The following NYAP1 variants were observed in gnomAD, a reference collection of about 807,000 sequenced individuals.
NYAP1 encodes the protein neuronal tyrosine phosphorylated phosphoinositide-3-kinase adaptor 1.
A neutral mutation model predicts 58.6 loss-of-function variants in NYAP1; 20 were observed. The ratio of observed to expected loss-of-function variants is 0.34; its 90% CI spans 0.24 to 0.50. The LOEUF is 0.50. Among genes scored for constraint, NYAP1 ranks in the 20% least tolerant of loss-of-function variants. NYAP1 has a pLI of 0.98. For missense variants in NYAP1, 1,150 were observed against 1,194.5 expected (o/e 0.96, Z 0.55); for synonymous variants, 572 against 523.1 (o/e 1.09, Z -1.27).
Position 100,485,421 on chromosome 7 carries a change from C to G in NYAP1, c.68+42C>G, listed in dbSNP as rs371549510. The G allele has an allele frequency of 4.1e-6, 6 of 1,476,212 alleles. No homozygotes were observed. The African/African-American group carries it at 7.0e-5, about 17-fold the overall frequency. The allele number at this position is 1,476,212 out of a possible 1,614,324, so 91.4% of individuals were successfully genotyped here. ...GACTGCTCCCTTCCCTTCCGCACCTCTGCCTGCCCCCTCACTGGGCCACAG... is the reference window on the plus strand; with the variant it reads ...GACTGCTCCCTTCCCTTCCGCACCTGTGCCTGCCCCCTCACTGGGCCACAG... On this transcript the variant is annotated intron_variant, in intron 2 of 6. Transcript: ENST00000300179. The surrounding 1 kb of genome is among the most constrained non-coding windows in gnomAD (Gnocchi z 5.7).
chr7:100,486,871 AG>A lies in NYAP1; in HGVS notation c.123del (p.Pro42LeufsTer20), dbSNP rs766006933. On this transcript the variant is annotated frameshift_variant, in exon 3 of 7. Transcript: ENST00000300179. LOFTEE classifies it high-confidence loss of function. This position sits in a 1 kb window ranked among gnomAD's most constrained non-coding sequence, Gnocchi z 6.2. ...GGCTCGGCTGGGCCCGCGGCCGGCC[AG>A]GGGCCTGGGGTCCGCGTGCGGGACA... ...PAGSAGPAAG[Q>X]GPGVRVRDIA... 3 of 1,547,138 alleles carry A rather than the reference AG, an allele frequency of 1.9e-6. No individual in the cohort carries two copies. Among genetic ancestry groups the A allele is most frequent in the Non-Finnish European group, 2.6e-6 (3 of 1,151,328 alleles).
chr7:100,489,953 G>A (rs1799772617), intron 4 of NYAP1, among the ~76,000 whole-genome samples: 1 of 152,068 alleles, frequency 6.6e-6, no homozygotes, highest in African/African-American at 2.4e-5. Context: ...AGGGGTGTGT[G>A]CTTGTGAGTG....
intron 6 of NYAP1, among the ~76,000 whole-genome samples, 192 bp downstream of exon 6, chr7:100,491,287 T>C (rs1401287651): frequency 6.6e-6 from 1 of 152,072 alleles, no homozygotes; most frequent in Admixed American, 6.6e-5. Flanking sequence ...TGAGACCCTG[T>C]CTCTATTTTT....
intron 4 of NYAP1, among the ~76,000 whole-genome samples, chr7:100,489,882 G>A (rs554985086): frequency 4.8e-4 from 73 of 152,182 alleles, no homozygotes; most frequent in Admixed American, 2.0e-3. Context: ...TCTGGGAGGC[G>A]AAGGGGGTCA....
At position 100,489,160 on chromosome 7, in the gene NYAP1, C is replaced by G. The variant is rs200659258; in HGVS notation, c.1439C>G (p.Pro480Arg). 6.2e-7 allele frequency: 1 copy of G among 1,610,290 alleles called. No individual in the cohort carries two copies. Among genetic ancestry groups the G allele is most frequent in the Non-Finnish European group, 8.5e-7 (1 of 1,178,826 alleles). ...TTHSVLPAGP[P>R]LGAGEPKTEK... The stretch of plus-strand genomic sequence containing the variant: ...CACTCTGTCCTGCCAGCTGGTCCAC[C>G]CCTGGGTGCTGGGGAGCCAAAGACG... The change falls in exon 4 of 7, where the codon CCC becomes CGC. Residue 480 changes from proline (P) to arginine (R), a missense_variant. Pro to Arg is a moderately radical substitution (Grantham distance 103). Transcript: ENST00000300179.
At position 100,489,247 on chromosome 7, in the gene NYAP1, G is replaced by C; in HGVS notation, c.1526G>C (p.Gly509Ala). The change falls in exon 4 of 7, where the codon GGG becomes GCG. Residue 509 changes from glycine (G) to alanine (A), a missense_variant. Physicochemically the swap from Gly to Ala is moderately conservative, Grantham distance 60 (BLOSUM62 0). Transcript: ENST00000300179. ...ACCAGCTCAAGGCCCCCTGTGCCAG[G>C]GAAGACCAGCCCCCACGGTGGGGCC... ...LCTSSRPPVPGKTSPHGGAMG... is the reference protein window; with the variant it reads ...LCTSSRPPVPAKTSPHGGAMG... 6.2e-7 allele frequency: 1 copy of C among 1,605,188 alleles called. No individual in the cohort carries two copies. Among genetic ancestry groups the C allele is most frequent in the Non-Finnish European group, 8.5e-7 (1 of 1,176,538 alleles).
rs188537085 is a variant in NYAP1 at position 100,487,192 on chromosome 7, C to T, written c.430+10C>T. 169 of 1,478,890 alleles carry T rather than the reference C, an allele frequency of 1.1e-4. 1 individual carries two copies. In the East Asian group the frequency reaches 3.3e-3, roughly 29 times the overall value. 91.6% of individuals were successfully genotyped at this position (1,478,890 alleles called of 1,614,324 possible). A position where few individuals can be genotyped will look rare whatever the true frequency, so the allele number is the denominator to read the frequency against. The stretch of plus-strand genomic sequence containing the variant: ...CCCAGCAAGAAAGCAGGTGAGATAC[C>T]CCCTATCTCTCCCTGGGGTGGAGCT... On this transcript the variant is annotated intron_variant, in intron 3 of 6. Transcript: ENST00000300179. This position sits in a 1 kb window ranked among gnomAD's most constrained non-coding sequence, Gnocchi z 4.1.
chr7:100,488,690 C>A lies in NYAP1; in HGVS notation c.969C>A (p.Ile323=). The stretch of plus-strand genomic sequence containing the variant: ...CCACCAAGACCACTCCTTGTGAAAT[C>A]CCCCCGCCCTTCCCCAACCTCCTTC... ...GTPTKTTPCE[I]PPPFPNLLQH... is the part of the protein sequence containing the mutation. Residue 323 remains isoleucine (I), a synonymous_variant, in exon 4 of 7, where the codon ATC becomes ATA. Coordinates refer to ENST00000300179, the MANE Select transcript of NYAP1 (RefSeq NM_173564.4). This position sits in a 1 kb window ranked among gnomAD's most constrained non-coding sequence, Gnocchi z 5.9. The A allele has an allele frequency of 5.0e-6, 8 of 1,611,048 alleles. No homozygotes were observed. The highest frequency in any genetic ancestry group is 3.3e-5 in the South Asian group (3 of 90,956).
Position 100,488,906 on chromosome 7 carries a change from G to T in NYAP1, c.1185G>T (p.Leu395=). The change falls in exon 4 of 7, where the codon CTG becomes CTT. Residue 395 remains leucine, a synonymous_variant. Transcript: ENST00000300179. This position sits in a 1 kb window ranked among gnomAD's most constrained non-coding sequence, Gnocchi z 5.9. ...PPPPPPAANL[L]LLGPSGRARS... ...CTCCACCTCCTGCTGCCAACCTGCTGCTGCTGGGACCATCGGGCCGGGCCC... is the reference window on the plus strand; with the variant it reads ...CTCCACCTCCTGCTGCCAACCTGCTTCTGCTGGGACCATCGGGCCGGGCCC... The T allele has an allele frequency of 6.3e-7, 1 of 1,596,206 alleles. No homozygotes were observed.
In NYAP1 at chr7:100,486,814, TC is replaced by T; in HGVS notation, c.69-3del. On this transcript the variant is annotated splice_region_variant and splice_polypyrimidine_tract_variant and intron_variant, in intron 2 of 6. Coordinates refer to ENST00000300179, the MANE Select transcript of NYAP1 (RefSeq NM_173564.4). The surrounding 1 kb of genome is among the most constrained non-coding windows in gnomAD (Gnocchi z 6.2). ...TCCTCCACTCCATCGTGGCCTTCTC[TC>T]CCCAGCTCCAGTAAGGAGGTGGCCC... 2 of 1,472,858 alleles carry T rather than the reference TC, an allele frequency of 1.4e-6. No individual in the cohort carries two copies. Among genetic ancestry groups the T allele is most frequent in the Non-Finnish European group, 1.8e-6 (2 of 1,116,390 alleles). The allele number at this position is 1,472,858 out of a possible 1,614,324, so 91.2% of individuals were successfully genotyped here. A position where few individuals can be genotyped will look rare whatever the true frequency, so the allele number is the denominator to read the frequency against.
In NYAP1 at chr7:100,493,644, A is replaced by T; in HGVS notation, c.2269-2A>T. 1 of 1,571,796 alleles carries T rather than the reference A, an allele frequency of 6.4e-7. No homozygotes were observed. Among genetic ancestry groups the T allele is most frequent in the Non-Finnish European group, 8.6e-7 (1 of 1,165,964 alleles). On this transcript the variant is annotated splice_acceptor_variant, in intron 6 of 6. Transcript: ENST00000300179. LOFTEE classifies it high-confidence loss of function. ...TTCCTTTCTCCCCCGCCCGCGGCAC[A>T]GCCCCACCCCGCGCTGCCGCTGCCT...
intron 1 of NYAP1, among the ~76,000 whole-genome samples, chr7:100,484,892 G>C (rs954329173): frequency 6.6e-6 from 1 of 152,054 alleles, no homozygotes; most frequent in Non-Finnish European, 1.5e-5. Flanking sequence ...CGGTGGCTCC[G>C]TGGTTTGTGT....
rs1335252452 is a variant in NYAP1, at chr7:100,488,382, G to A, written c.661G>A (p.Gly221Arg). 6.3e-7 allele frequency: 1 copy of A among 1,598,366 alleles called. No homozygotes were observed. Among genetic ancestry groups the A allele is most frequent in the East Asian group, 2.2e-5 (1 of 44,724 alleles). Residue 221 changes from glycine (G) to arginine (R), a missense_variant, in exon 4 of 7, where the codon GGG becomes AGG. Transcript: ENST00000300179. This position sits in a 1 kb window ranked among gnomAD's most constrained non-coding sequence, Gnocchi z 5.9. ...AGAGCCTGTGTACATTGAGATGGTG[G>A]GGGACGTCTTTAGGGGAGGAGGACG... Reference protein sequence around the residue: ...QEEPVYIEMVGDVFRGGGRSG... With the variant: ...QEEPVYIEMVRDVFRGGGRSG...
chr7:100,493,744 G>A lies in NYAP1; in HGVS notation c.2367G>A (p.Val789=). The change falls in exon 7 of 7, where the codon GTG becomes GTA. Residue 789 remains valine, a synonymous_variant. Coordinates refer to ENST00000300179, the MANE Select transcript of NYAP1 (RefSeq NM_173564.4). The part of the protein sequence containing the change: ...LLEVIERKRC[V]CKEIKARHRP... Reference sequence around the variant, plus strand: ...AGGTGATCGAGCGCAAGCGCTGCGTGTGCAAGGAGATCAAGGCGCGCCACC... The same window carrying A: ...AGGTGATCGAGCGCAAGCGCTGCGTATGCAAGGAGATCAAGGCGCGCCACC... 1 of 1,605,196 alleles carries A rather than the reference G, an allele frequency of 6.2e-7. No individual in the cohort carries two copies. Among genetic ancestry groups the A allele is most frequent in the African/African-American group, 1.3e-5 (1 of 74,902 alleles).
In NYAP1 at chr7:100,485,451, T is replaced by C; in HGVS notation, c.68+72T>C. On this transcript the variant is annotated intron_variant, in intron 2 of 6. Coordinates refer to ENST00000300179, the MANE Select transcript of NYAP1 (RefSeq NM_173564.4). This position sits in a 1 kb window ranked among gnomAD's most constrained non-coding sequence, Gnocchi z 5.7. ...TGCCCCCTCACTGGGCCACAGCCCT[T>C]CTCGGGGGCCGGCAGCCTTGTCATG... The C allele has an allele frequency of 8.0e-7, 1 of 1,250,738 alleles. No homozygotes were observed. The highest frequency in any genetic ancestry group is 1.1e-6 in the Non-Finnish European group (1 of 879,672). The allele number at this position is 1,250,738 out of a possible 1,614,324, so 77.5% of individuals were successfully genotyped here.
rs774718976 is a variant in NYAP1 at position 100,489,079 on chromosome 7, C to A, written c.1358C>A (p.Pro453His). 33 of 1,553,174 alleles carry A rather than the reference C, an allele frequency of 2.1e-5. No individual in the cohort carries two copies. The highest frequency in any genetic ancestry group is 2.0e-4 in the African/African-American group (15 of 73,572). The stretch of plus-strand genomic sequence containing the variant: ...CCGGCCGCCTTGCTCCCCGGCCCCC[C>A]CAAGGACAAGGCCGTGTCTTACACC... The part of the protein sequence containing the change: ...PAPAALLPGP[P>H]KDKAVSYTMV... Residue 453 changes from proline to histidine, a missense_variant, in exon 4 of 7, where the codon CCC becomes CAC. Transcript: ENST00000300179.
rs1799779216 is a variant in NYAP1 at position 100,490,368 on chromosome 7, G to A, written c.1946-149G>A. ...TGTGTGTGTGTTTGTATGTATGTTG[G>A]GGGAGTGTGAAGGAGCCCCATCCCA... On this transcript the variant is annotated intron_variant, in intron 4 of 6. Transcript: ENST00000300179. This position sits in a 1 kb window ranked among gnomAD's most constrained non-coding sequence, Gnocchi z 4.6. 7.2e-6 allele frequency: 5 copies of A among 693,502 alleles called. No individual in the cohort carries two copies. Among genetic ancestry groups the A allele is most frequent in the Non-Finnish European group, 1.3e-5 (5 of 384,262 alleles). The allele number at this position is 693,502 out of a possible 1,614,324, so 43.0% of individuals were successfully genotyped here. A position where few individuals can be genotyped will look rare whatever the true frequency, so the allele number is the denominator to read the frequency against.
At position 100,490,633 on chromosome 7, in the gene NYAP1, G is replaced by C; in HGVS notation, c.2062G>C (p.Gly688Arg). 6.4e-7 allele frequency: 1 copy of C among 1,571,456 alleles called. No homozygotes were observed. Among genetic ancestry groups the C allele is most frequent in the Admixed American group, 1.9e-5 (1 of 52,554 alleles). ...CCCAGTGAGAAGCCAGGGGGCAGAG[G>C]GACTGCTGGCCAGGATCCACCATGG... ...GIPVRSQGAE[G>R]LLARIHHGDR... Residue 688 changes from glycine (G) to arginine (R), a missense_variant, in exon 5 of 7, where the codon GGA becomes CGA. Transcript: ENST00000300179. The surrounding 1 kb of genome is among the most constrained non-coding windows in gnomAD (Gnocchi z 4.6).
intron 6 of NYAP1, among the ~76,000 whole-genome samples, chr7:100,492,372 A>G (rs1185206999): frequency 6.6e-6 from 1 of 152,170 alleles, no homozygotes; most frequent in East Asian, 1.9e-4. Context: ...GCAGCAAGGT[A>G]GGGCCCAGCT....
Sources: allele counts gnomAD v4.1 joint callset (sites outside exome capture counted in the v4.1 genomes callset), GRCh38; gene constraint gnomAD v4.1.1; non-coding constraint Gnocchi (gnomAD v3.1); transcripts MANE v1.5; gene names NCBI Gene and HGNC (gene_info 2026-07-23, HGNC 2026-07-21).